Variants in SGTA observed in about 807,000 individuals in gnomAD.
SGTA encodes the protein small glutamine rich tetratricopeptide repeat co-chaperone alpha, also known as small glutamine-rich tetratricopeptide repeat-containing protein alpha.
In SGTA, 22 loss-of-function variants were observed where a neutral mutation model predicts 44.3. The observed-to-expected ratio is 0.50, with a 90% CI of 0.36 to 0.71. The LOEUF is 0.71. Ranked by LOEUF, SGTA falls within the 30% of genes least tolerant of loss-of-function variation. The pLI, the probability that SGTA is intolerant of heterozygous loss-of-function variation, is 0.00. For synonymous variants in SGTA, 174 were observed against 177.6 expected (o/e 0.98, Z 0.16); for missense variants, 341 against 435.9 (o/e 0.78, Z 1.94).
chr19:2,772,852 T>C (rs201507544), intron 1 of SGTA, among the ~76,000 whole-genome samples: 1,533 of 91,694 alleles, frequency 0.017, 62 homozygotes, highest in African/African-American at 0.063. Flanking sequence ...CAGAGGTGGG[T>C]GACGCGGCCA....
chr19:2,776,750 C>T (rs1184442622), intron 1 of SGTA, among the ~76,000 whole-genome samples: 1 of 152,166 alleles, frequency 6.6e-6, no homozygotes, highest in African/African-American at 2.4e-5. Context: ...AGGTGGATCA[C>T]CTGAGGTCAG....
chr19:2,778,404 T>A (rs1915492511), intron 1 of SGTA, among the ~76,000 whole-genome samples: 1 of 152,066 alleles, frequency 6.6e-6, no homozygotes, highest in Non-Finnish European at 1.5e-5. Context: ...TGGAAAGAGT[T>A]GCATTCACTG....
In SGTA at chr19:2,755,199, G is replaced by C; in HGVS notation, c.*741C>G. ...GCCCGGGGCTAAGGCGGCCGGGACA[G>C]AAGGTCATGATGTCGCCCCTGGCTC... On this transcript the variant is annotated 3_prime_UTR_variant, in exon 12 of 12. Coordinates refer to ENST00000221566, the MANE Select transcript of SGTA (RefSeq NM_003021.4). This position sits in a 1 kb window ranked among gnomAD's most constrained non-coding sequence, Gnocchi z 5.2. The C allele has an allele frequency of 6.1e-6, 1 of 162,890 alleles. No homozygotes were observed. Among genetic ancestry groups the C allele is most frequent in the Non-Finnish European group, 1.3e-5 (1 of 76,490 alleles). The allele number at this position is 162,890 out of a possible 1,614,324, so 10.1% of individuals were successfully genotyped here. A position where few individuals can be genotyped will look rare whatever the true frequency, so the allele number is the denominator to read the frequency against.
rs1379510732 is a variant in SGTA at position 2,763,794 on chromosome 19, G to A, written c.393-37C>T. The A allele has an allele frequency of 6.4e-6, 10 of 1,570,114 alleles. No individual in the cohort carries two copies. The African/African-American group carries it at 6.8e-5, about 11-fold the overall frequency. On this transcript the variant is annotated intron_variant, in intron 5 of 11. Coordinates refer to ENST00000221566, the MANE Select transcript of SGTA (RefSeq NM_003021.4). This position sits in a 1 kb window ranked among gnomAD's most constrained non-coding sequence, Gnocchi z 5.8. ...AAGGCAGGGCAGGTCCCTCACTGGC[G>A]GCTCTGAGCCCAGCGGGCAGCCCTT...
chr19:2,769,143 G>T (rs1915231224), intron 1 of SGTA, 52 bp from the exon 2 acceptor site: 9 of 1,117,664 alleles, frequency 8.1e-6, no homozygotes, highest in Middle Eastern at 1.9e-4. Context: ...CCCCACTCCA[G>T]GCACCCCAGG....
In SGTA at chr19:2,755,595, T is replaced by C; in HGVS notation, c.*345A>G. On this transcript the variant is annotated 3_prime_UTR_variant, in exon 12 of 12. Coordinates refer to ENST00000221566, the MANE Select transcript of SGTA (RefSeq NM_003021.4). The surrounding 1 kb of genome is among the most constrained non-coding windows in gnomAD (Gnocchi z 5.2). ...GAAGCCACACGATCCGCCACACGGC[T>C]GAACGTGAAACCTGCCACTTCTCTG... 3.0e-6 allele frequency: 3 copies of C among 985,234 alleles called. No individual in the cohort carries two copies. The highest frequency in any genetic ancestry group is 3.5e-5 in the African/African-American group (2 of 57,358). 61.0% of individuals were successfully genotyped at this position (985,234 alleles called of 1,614,324 possible).
Position 2,763,853 on chromosome 19 carries a change from T to A in SGTA, c.393-96A>T. ...CCTGAGAGCTGCGTTCCTCTCCAAC[T>A]TCCTGGAGGAACGGCCTCAGTTTTC... is the stretch of plus-strand genomic sequence containing the variant. On this transcript the variant is annotated intron_variant, in intron 5 of 11. Transcript: ENST00000221566. This position sits in a 1 kb window ranked among gnomAD's most constrained non-coding sequence, Gnocchi z 5.8. The A allele has an allele frequency of 1.1e-6, 1 of 900,616 alleles. No homozygotes were observed. The allele number at this position is 900,616 out of a possible 1,614,324, so 55.8% of individuals were successfully genotyped here. A position where few individuals can be genotyped will look rare whatever the true frequency, so the allele number is the denominator to read the frequency against.
At chr19:2,764,218 G>C (rs1299874693) in intron 5 of SGTA, among the ~76,000 whole-genome samples, 4 of 152,134 alleles carry the variant, frequency 2.6e-5, no homozygotes, top group Non-Finnish European at 4.4e-5. Flanking sequence ...AGTGAGTGGA[G>C]ACTAAACTAC....
chr19:2,766,783 T>C (rs749702976), intron 4 of SGTA, among the ~76,000 whole-genome samples: 1 of 151,670 alleles, frequency 6.6e-6, no homozygotes, highest in Non-Finnish European at 1.5e-5. Flanking sequence ...TGAACATGTG[T>C]CTGGGTTTTG....
rs1375674469 is a variant in SGTA, at chr19:2,763,948, T to C, written c.393-191A>G. Among the ~76,000 whole-genome samples, 1 of 152,154 alleles carries C rather than the reference T, an allele frequency of 6.6e-6. No individual in the cohort carries two copies. Among genetic ancestry groups the C allele is most frequent in the Non-Finnish European group, 1.5e-5 (1 of 68,036 alleles). Reference sequence around the variant, plus strand: ...CCACTGAGATGCTCTTAGACAAATGTGGGCTCAAAGCACCAGCAGCCACTC... The same window carrying C: ...CCACTGAGATGCTCTTAGACAAATGCGGGCTCAAAGCACCAGCAGCCACTC... On this transcript the variant is annotated intron_variant, in intron 5 of 11. Coordinates refer to ENST00000221566, the MANE Select transcript of SGTA (RefSeq NM_003021.4). The surrounding 1 kb of genome is among the most constrained non-coding windows in gnomAD (Gnocchi z 5.8).
At chr19:2,770,331 A>G (rs1915271594) in intron 1 of SGTA, 1 of 152,352 alleles carries the variant, frequency 6.6e-6, no homozygotes, top group African/African-American at 2.4e-5. Context: ...TTTTTAGTAC[A>G]AGACCTTTCA....
At position 2,759,459 on chromosome 19, in the gene SGTA, C is replaced by T. The variant is rs1306561016; in HGVS notation, c.700-165G>A. The T allele has an allele frequency of 6.4e-6, 4 of 623,250 alleles. No homozygotes were observed. The African/African-American group carries it at 7.3e-5, about 11-fold the overall frequency. The allele number at this position is 623,250 out of a possible 1,614,324, so 38.6% of individuals were successfully genotyped here. A position where few individuals can be genotyped will look rare whatever the true frequency, so the allele number is the denominator to read the frequency against. On this transcript the variant is annotated intron_variant, in intron 8 of 11. Coordinates refer to ENST00000221566, the MANE Select transcript of SGTA (RefSeq NM_003021.4). ...TCATACCCTTTTCCCTACATTTTCG[C>T]CCCCCCACCCACGAGCTGTGACCTC... is the stretch of plus-strand genomic sequence containing the variant.
At chr19:2,779,757 T>C (rs769761157) in intron 1 of SGTA, among the ~76,000 whole-genome samples, 20 of 152,298 alleles carry the variant, frequency 1.3e-4, no homozygotes, top group Admixed American at 1.2e-3. Flanking sequence ...CATTTTATCA[T>C]TAAAATAAAA....
chr19:2,769,753 T>C (rs1915248007), intron 1 of SGTA, among the ~76,000 whole-genome samples: 1 of 126,578 alleles, frequency 7.9e-6, no homozygotes, highest in African/African-American at 2.9e-5. Context: ...CCCCCTCTAG[T>C]TCCCCCTCGG....
chr19:2,774,412 C>T (rs189515695), intron 1 of SGTA, among the ~76,000 whole-genome samples: 133 of 152,286 alleles, frequency 8.7e-4, no homozygotes, highest in Non-Finnish European at 1.2e-3. Flanking sequence ...GTGCTGCGGT[C>T]CCAGGAGCCA....
At chr19:2,777,399 A>G (rs1194664704) in intron 1 of SGTA, 4 of 151,980 alleles carry the variant, frequency 2.6e-5, no homozygotes, top group Admixed American at 2.6e-4. Flanking sequence ...AAAACATTAA[A>G]AAATTAGCTG....
chr19:2,762,660 G>T lies in SGTA; in HGVS notation c.498-16C>A. On this transcript the variant is annotated splice_polypyrimidine_tract_variant and intron_variant, in intron 6 of 11. Transcript: ENST00000221566. ...GAGCGCCAGGCTGGAGGAGAGCACC[G>T]GGGATGGACTGTTCCCATCTGCCCA... is the stretch of plus-strand genomic sequence containing the variant. The T allele has an allele frequency of 6.2e-7, 1 of 1,613,264 alleles. No individual in the cohort carries two copies. The highest frequency in any genetic ancestry group is 8.5e-7 in the Non-Finnish European group (1 of 1,179,802).
At chr19:2,764,269 C>T (rs1033285568) in intron 5 of SGTA, among the ~76,000 whole-genome samples, 2 of 152,242 alleles carry the variant, frequency 1.3e-5, no homozygotes, top group African/African-American at 4.8e-5. Context: ...GCCTCTGCAA[C>T]TGTCCTGTAA....
chr19:2,768,629 G>A lies in SGTA; in HGVS notation c.100+340C>T, dbSNP rs181451024. ...CCAGCACTAGGAGAGCTTTTTCCCC[G>A]TGACCGATGGTGACACACACACACT... On this transcript the variant is annotated intron_variant, in intron 2 of 11. Transcript: ENST00000221566. Among the ~76,000 whole-genome samples the A allele has an allele frequency of 3.2e-3, 485 of 152,306 alleles. 13 individuals are homozygous for A. Among genetic ancestry groups the A allele is most frequent in the Admixed American group, 0.028 (435 of 15,300 alleles).
Sources: allele counts gnomAD v4.1 joint callset (sites outside exome capture counted in the v4.1 genomes callset), GRCh38; gene constraint gnomAD v4.1.1; non-coding constraint Gnocchi (gnomAD v3.1); transcripts MANE v1.5; gene names NCBI Gene and HGNC (gene_info 2026-07-23, HGNC 2026-07-21).